The following VIP variants were observed in gnomAD, a reference collection of about 807,000 sequenced individuals.
VIP encodes the protein vasoactive intestinal peptide, also known as VIP peptides.
Under a neutral mutation model 20.1 loss-of-function variants are expected in VIP, and 18 were observed. That is an observed-to-expected ratio of 0.90 (90% CI 0.62 to 1.33). The LOEUF (loss-of-function observed/expected upper bound fraction) is 1.33, where lower values mean the gene tolerates loss of function less well. Among genes scored for constraint, VIP ranks in the 40% most tolerant of loss-of-function variants. The pLI, the probability that VIP is intolerant of heterozygous loss-of-function variation, is 0.00. For synonymous variants in VIP, 70 were observed against 68.1 expected, an observed-to-expected ratio of 1.03 and a Z score of -0.14; for missense variants, 209 against 199.4, an observed-to-expected ratio of 1.05 and a Z score of -0.29.
intron 3 of VIP, among the ~76,000 whole-genome samples, chr6:152,754,747 TTTG>T (rs1378928915): frequency 6.6e-6 from 1 of 151,930 alleles, no homozygotes; most frequent in Non-Finnish European, 1.5e-5. Flanking sequence ...AGGTGCTTCA[TTTG>T]AAAGAGAAAA....
intron 6 of VIP, among the ~76,000 whole-genome samples, chr6:152,757,430 T>C (rs1299109106): frequency 6.6e-6 from 1 of 151,906 alleles, no homozygotes; most frequent in Non-Finnish European, 1.5e-5. Context: ...ATCTGAATAG[T>C]GTTCCTGGCT....
chr6:152,752,319 C>A (rs376530344), intron 2 of VIP, 35 bp downstream of exon 2: 1 of 1,521,558 alleles, frequency 6.6e-7, no homozygotes, highest in African/African-American at 1.4e-5. Flanking sequence ...TCTGAACATT[C>A]CTTCCTCATC....
Position 152,759,710 on chromosome 6 carries a change from ATAATTTTAAG to A in VIP, c.*845_*854del, listed in dbSNP as rs2099730952. On this transcript the variant is annotated 3_prime_UTR_variant, in exon 7 of 7. Transcript: ENST00000367244. ...TTGGAGACACAACTATTTTTCCAAA[ATAATTTTAAG>A]AAATCAAAGAGAGAAAATAAAGACC... 1 of 152,016 alleles carries A rather than the reference ATAATTTTAAG, an allele frequency of 6.6e-6. No homozygotes were observed. Among genetic ancestry groups the A allele is most frequent in the Non-Finnish European group, 1.5e-5 (1 of 67,962 alleles). 9.4% of individuals were successfully genotyped at this position (152,016 alleles called of 1,614,324 possible). A position where few individuals can be genotyped will look rare whatever the true frequency, so the allele number is the denominator to read the frequency against.
At chr6:152,755,124 G>T (rs1265074642) in intron 3 of VIP, 145 bp from the exon 4 acceptor site, 6 of 499,512 alleles carry the variant, frequency 1.2e-5, no homozygotes, top group Non-Finnish European at 2.1e-5. Context: ...TTTTGTTAGG[G>T]TGTTAAGAAA....
Position 152,757,199 on chromosome 6 carries a change from G to A in VIP, c.*43+15G>A. 1 of 1,529,652 alleles carries A rather than the reference G, an allele frequency of 6.5e-7. No homozygotes were observed. The highest frequency in any genetic ancestry group is 1.1e-5 in the South Asian group (1 of 87,390). 94.8% of individuals were successfully genotyped at this position (1,529,652 alleles called of 1,614,324 possible). ...ACTTCCCAGTGGTGGGTATATTCGTGCATTCCTTCTGTATTCTTATGGCTG... is the reference window on the plus strand; with the variant it reads ...ACTTCCCAGTGGTGGGTATATTCGTACATTCCTTCTGTATTCTTATGGCTG... On this transcript the variant is annotated intron_variant, in intron 6 of 6. Coordinates refer to ENST00000367244, the MANE Select transcript of VIP (RefSeq NM_003381.4).
In VIP at chr6:152,754,293, G is replaced by T. The variant is rs1458380708; in HGVS notation, c.230+5G>T. 6.3e-7 allele frequency: 1 copy of T among 1,585,974 alleles called. No homozygotes were observed. Among genetic ancestry groups the T allele is most frequent in the Non-Finnish European group, 8.6e-7 (1 of 1,167,660 alleles). ...ACCCTATTATGATGTATCCAGGTGA[G>T]TTTATTTTTATAAAACTATCCAATG... is the stretch of plus-strand genomic sequence containing the variant. On this transcript the variant is annotated splice_donor_5th_base_variant and intron_variant, in intron 3 of 6. Coordinates refer to ENST00000367244, the MANE Select transcript of VIP (RefSeq NM_003381.4).
intron 3 of VIP, among the ~76,000 whole-genome samples, chr6:152,754,831 A>T (rs1052696327): frequency 2.0e-5 from 3 of 151,970 alleles, no homozygotes; most frequent in Non-Finnish European, 2.9e-5. Flanking sequence ...GGAAAAAGAA[A>T]AAAAAAGGTG....
intron 2 of VIP, 102 bp downstream of exon 2, chr6:152,752,386 T>A (rs1054785619): frequency 1.0e-6 from 1 of 955,416 alleles, no homozygotes; most frequent in Non-Finnish European, 1.5e-6. Flanking sequence ...AATTATGTAT[T>A]ATGTATTTAA....
chr6:152,756,828 G>T (rs2099730501), intron 5 of VIP, among the ~76,000 whole-genome samples: 1 of 151,764 alleles, frequency 6.6e-6, no homozygotes. Flanking sequence ...TTTTGTTTAA[G>T]TGATGAGTAT....
Position 152,757,136 on chromosome 6 carries a change from A to T in VIP, c.508A>T (p.Lys170Ter), listed in dbSNP as rs1250477682. 1 of 1,611,620 alleles carries T rather than the reference A, an allele frequency of 6.2e-7. No homozygotes were observed. The highest frequency in any genetic ancestry group is 8.5e-7 in the Non-Finnish European group (1 of 1,178,624). The change falls in exon 6 of 7, where the codon AAA becomes TAA. Residue 170 changes from lysine (K) to a stop codon, truncating the protein, a stop_gained. Transcript: ENST00000367244. LOFTEE classifies it high-confidence loss of function. ...ESPDFPEELE[K>*] is the part of the protein sequence containing the mutation. ...TCCCGACTTTCCAGAAGAGTTAGAA[A>T]AATGATGAAAAAGACCTTTGGAGCA...
rs745570874 is a variant in VIP at position 152,755,345 on chromosome 6, C to A, written c.307C>A (p.Leu103Ile). Residue 103 changes from leucine (L) to isoleucine (I), a missense_variant, in exon 4 of 7, where the codon CTT (leucine) becomes ATT (isoleucine). Leu to Ile is a conservative substitution (Grantham distance 5). Transcript: ENST00000367244. Reference protein sequence around the residue: ...LLGQLSAKKYLESLMGKRVSS... With the variant: ...LLGQLSAKKYIESLMGKRVSS... The stretch of plus-strand genomic sequence containing the variant: ...GGGTCAACTTTCTGCCAAAAAGTAC[C>A]TTGAGTCTCTTATGGGAAAACGTGT... 8.8e-6 allele frequency: 14 copies of A among 1,589,484 alleles called. No homozygotes were observed. The highest frequency in any genetic ancestry group is 1.2e-5 in the Non-Finnish European group (14 of 1,167,652).
intron 2 of VIP, among the ~76,000 whole-genome samples, chr6:152,753,490 A>C (rs1012690130): frequency 1.3e-5 from 2 of 152,104 alleles, no homozygotes; most frequent in African/African-American, 4.8e-5. Flanking sequence ...TCAGTGTAAC[A>C]TTGTACATCC....
At chr6:152,757,250 G>A (rs1565406135) in intron 6 of VIP, 66 bp downstream of exon 6, 1 of 1,057,000 alleles carries the variant, frequency 9.5e-7, no homozygotes, top group Non-Finnish European at 1.4e-6. Flanking sequence ...GTAGCTAAGA[G>A]TCACTTAGTA....
intron 4 of VIP, 125 bp downstream of exon 4, chr6:152,755,498 G>T (rs2099730294): frequency 1.7e-6 from 1 of 584,734 alleles, no homozygotes; most frequent in Admixed American, 4.0e-5. Context: ...GTTTAATTTA[G>T]TTAAATGAAA....
chr6:152,756,364 CT>C (rs1234403728), intron 5 of VIP, 99 bp downstream of exon 5: 11 of 1,320,250 alleles, frequency 8.3e-6, no homozygotes, highest in Non-Finnish European at 1.0e-6. Context: ...TCTAGCTATA[CT>C]ACGTGAAGCA....
At chr6:152,758,313 T>C (rs964281454) in intron 6 of VIP, among the ~76,000 whole-genome samples, 4 of 151,978 alleles carry the variant, frequency 2.6e-5, no homozygotes, top group African/African-American at 9.7e-5. Flanking sequence ...CCTGCTTAAT[T>C]GACTGCTTTT....
intron 3 of VIP, among the ~76,000 whole-genome samples, 159 bp downstream of exon 3, chr6:152,754,447 G>C (rs2099730103): frequency 6.6e-6 from 1 of 151,992 alleles, no homozygotes. Context: ...ATTTACTGCA[G>C]ATCTTACAGC....
At chr6:152,757,554 A>G (rs1406810103) in intron 6 of VIP, among the ~76,000 whole-genome samples, 1 of 151,920 alleles carries the variant, frequency 6.6e-6, no homozygotes, top group African/African-American at 2.4e-5. Context: ...GCTTTTATTA[A>G]TTGAAGGTTT....
At chr6:152,752,728 A>C (rs1326926407) in intron 2 of VIP, among the ~76,000 whole-genome samples, 2 of 152,146 alleles carry the variant, frequency 1.3e-5, no homozygotes. Flanking sequence ...AAACATGTAT[A>C]AAATCATGTT....
Sources: gnomAD v4.1 joint callset for allele counts (sites outside exome capture counted in the v4.1 genomes callset) on GRCh38, gnomAD v4.1.1 for gene constraint, MANE v1.5 for transcripts, NCBI Gene and HGNC (gene_info 2026-07-23, HGNC 2026-07-21) for gene names.